PDE8B: variants seen among roughly 807,000 people sequenced by gnomAD.
PDE8B encodes high affinity cAMP-specific and IBMX-insensitive 3',5'-cyclic phosphodiesterase 8B.
In PDE8B, 26 loss-of-function variants were observed where a neutral mutation model predicts 101.3. The observed-to-expected ratio is 0.26, with a 90% CI of 0.19 to 0.36. PDE8B has a LOEUF of 0.36. Among genes scored for constraint, PDE8B ranks in the 10% least tolerant of loss-of-function variants. The pLI is 1.00. For missense variants in PDE8B, 810 were observed against 1,163.1 expected (o/e 0.70, Z 4.42); for synonymous variants, 424 against 429.3 (o/e 0.99, Z 0.15).
chr5:77,158,481 A>G, the PDE8B span, among the ~76,000 whole-genome samples: 3 of 152,230 alleles, frequency 2.0e-5, no homozygotes, highest in Non-Finnish European at 4.4e-5. Context: ...AAACAATGCA[A>G]GAGCAACTGG....
chr5:77,420,163 C>G (rs1177138509), intron 19 of PDE8B, among the ~76,000 whole-genome samples: 1 of 152,154 alleles, frequency 6.6e-6, no homozygotes, highest in Non-Finnish European at 1.5e-5. Flanking sequence ...CGCAGACGAA[C>G]AGAGACTGGC....
the PDE8B span, among the ~76,000 whole-genome samples, chr5:77,189,954 A>C: frequency 6.6e-6 from 1 of 152,204 alleles, no homozygotes; most frequent in Non-Finnish European, 1.5e-5. Flanking sequence ...CAGTTTTGTA[A>C]GTGGACCTAA....
At chr5:77,213,606 A>G (rs963100418) in intron 1 of PDE8B, among the ~76,000 whole-genome samples, 2 of 152,208 alleles carry the variant, frequency 1.3e-5, no homozygotes, top group Admixed American at 1.3e-4. Flanking sequence ...GATAGTTGCT[A>G]GGCACGTGGT....
At chr5:77,263,875 A>G (rs975417439) in intron 1 of PDE8B, among the ~76,000 whole-genome samples, 5 of 152,186 alleles carry the variant, frequency 3.3e-5, no homozygotes, top group African/African-American at 1.2e-4. Flanking sequence ...ACCATAATCA[A>G]TTTTAGAACA....
At chr5:77,325,376 C>A (rs1775850661) in intron 2 of PDE8B, among the ~76,000 whole-genome samples, 163 bp from the exon 3 acceptor site, 1 of 152,122 alleles carries the variant, frequency 6.6e-6, no homozygotes, top group Non-Finnish European at 1.5e-5. Flanking sequence ...TGCCATGTTG[C>A]CCTGGCTGGT....
chr5:77,191,841 C>T, the PDE8B span, among the ~76,000 whole-genome samples: 1 of 152,278 alleles, frequency 6.6e-6, no homozygotes, highest in South Asian at 2.1e-4. Flanking sequence ...TTATACAACT[C>T]ACCATAATGT....
the PDE8B span, among the ~76,000 whole-genome samples, chr5:77,169,985 A>G: frequency 5.9e-5 from 9 of 152,198 alleles, no homozygotes; most frequent in Non-Finnish European, 1.0e-4. Context: ...ATACGAAGAC[A>G]TGTTCCTGAA....
chr5:77,413,360 G>T (rs1794923480), intron 17 of PDE8B, 51 bp downstream of exon 17: 6 of 1,497,308 alleles, frequency 4.0e-6, no homozygotes, highest in Non-Finnish European at 5.6e-6. Context: ...GGAGATCCAA[G>T]AACTTAATCT....
At chr5:77,219,943 A>G (rs759636831) in intron 1 of PDE8B, among the ~76,000 whole-genome samples, 12 of 152,174 alleles carry the variant, frequency 7.9e-5, no homozygotes, top group Non-Finnish European at 1.6e-4. Context: ...TCCCAGATCC[A>G]TCTGTCATGT....
chr5:77,303,787 A>G (rs1770530553), intron 1 of PDE8B, among the ~76,000 whole-genome samples: 1 of 152,174 alleles, frequency 6.6e-6, no homozygotes, highest in Non-Finnish European at 1.5e-5. Flanking sequence ...ATCCTAAGGT[A>G]TGCATCATTC....
chr5:77,225,230 A>C (rs1039405306), intron 1 of PDE8B, among the ~76,000 whole-genome samples: 1 of 152,016 alleles, frequency 6.6e-6, no homozygotes, highest in East Asian at 1.9e-4. Flanking sequence ...GCTTGATTCT[A>C]CTCTTCCATT....
At chr5:77,108,500 T>A in the PDE8B span, among the ~76,000 whole-genome samples, 1 of 152,128 alleles carries the variant, frequency 6.6e-6, no homozygotes, top group Non-Finnish European at 1.5e-5. Flanking sequence ...CTGGGCAGCA[T>A]GGCGAAACCC....
At chr5:77,094,898 G>A in the PDE8B span, among the ~76,000 whole-genome samples, 3 of 152,118 alleles carry the variant, frequency 2.0e-5, no homozygotes, top group African/African-American at 7.2e-5. Flanking sequence ...TATTTTTGAG[G>A]GATCTGCCCC....
At chr5:77,187,825 A>G in the PDE8B span, among the ~76,000 whole-genome samples, 7 of 152,238 alleles carry the variant, frequency 4.6e-5, no homozygotes, top group African/African-American at 1.7e-4. Flanking sequence ...CAAATGAAAA[A>G]GCAACCATCT....
the PDE8B span, among the ~76,000 whole-genome samples, chr5:77,169,962 C>CCTGCA: frequency 1.3e-5 from 2 of 152,128 alleles, no homozygotes; most frequent in Non-Finnish European, 2.9e-5. Context: ...ATCTCAAGTT[C>CCTGCA]CCTATTTTAG....
At chr5:77,118,587 T>C in the PDE8B span, 1 of 391,560 alleles carries the variant, frequency 2.6e-6, no homozygotes, top group African/African-American at 2.1e-5. Flanking sequence ...GTGCCCTTTA[T>C]GTTTGAACTT....
At chr5:77,173,643 G>A in the PDE8B span, among the ~76,000 whole-genome samples, 1 of 152,090 alleles carries the variant, frequency 6.6e-6, no homozygotes, top group East Asian at 1.9e-4. Context: ...TTAATGTGAA[G>A]CCTACTAGAG....
intron 6 of PDE8B, among the ~76,000 whole-genome samples, chr5:77,340,828 C>T: frequency 6.6e-6 from 1 of 152,120 alleles, no homozygotes; most frequent in South Asian, 2.1e-4. Context: ...TTCCACTCAG[C>T]ATAGCACTAT....
intron 1 of PDE8B, among the ~76,000 whole-genome samples, chr5:77,213,629 C>A (rs1748991593): frequency 6.6e-6 from 1 of 152,230 alleles, no homozygotes; most frequent in African/African-American, 2.4e-5. Context: ...TGCCCCACCC[C>A]TTTCCAAAGC....
Sources: allele counts gnomAD v4.1 joint callset (sites outside exome capture counted in the v4.1 genomes callset), GRCh38; gene constraint gnomAD v4.1.1; transcripts MANE v1.5; gene names NCBI Gene and HGNC (gene_info 2026-07-23, HGNC 2026-07-21).